The following PVR variants were observed in gnomAD, a reference collection of about 807,000 sequenced individuals.
The protein encoded by PVR is PVR cell adhesion molecule.
A neutral mutation model predicts 43.3 loss-of-function variants in PVR; 39 were observed. The observed-to-expected ratio is 0.90, with a 90% confidence interval of 0.70 to 1.18. The LOEUF is 1.18. PVR is among the 50% of genes most tolerant of loss of function. The probability of loss-of-function intolerance (pLI) is 0.00; values close to 1 mark genes in which losing one functional copy is unlikely to be tolerated. For synonymous variants in PVR, 224 were observed against 233.2 expected (o/e 0.96, Z 0.36); for missense variants, 480 against 549.7 (o/e 0.87, Z 1.27).
chr19:44,661,402 C>T (rs1420058617), intron 7 of PVR, 79 bp downstream of exon 7: 15 of 1,469,332 alleles, frequency 1.0e-5, no homozygotes, highest in East Asian at 4.5e-5. Context: ...GCCCACGGCC[C>T]GGCCTCAGGA....
chr19:44,653,309 G>A (rs755331288), intron 3 of PVR, among the ~76,000 whole-genome samples: 3 of 151,764 alleles, frequency 2.0e-5, no homozygotes, highest in Admixed American at 6.6e-5. Flanking sequence ...CTTACTCCCC[G>A]CCAGGCAATT....
At chr19:44,651,570 TC>T (rs1419956825) in intron 3 of PVR, among the ~76,000 whole-genome samples, 4 of 151,674 alleles carry the variant, frequency 2.6e-5, no homozygotes, top group African/African-American at 7.3e-5. Flanking sequence ...GTCTCCATGT[TC>T]CTCTGCCCAA....
intron 3 of PVR, among the ~76,000 whole-genome samples, chr19:44,650,357 CT>C (rs1973247363): frequency 6.6e-6 from 1 of 152,134 alleles, no homozygotes; most frequent in Non-Finnish European, 1.5e-5. Context: ...GCCCTGGCTC[CT>C]CTAGCGGCTG....
intron 1 of PVR, among the ~76,000 whole-genome samples, chr19:44,645,662 C>T (rs183557391): frequency 6.6e-6 from 1 of 151,186 alleles, no homozygotes; most frequent in Non-Finnish European, 1.5e-5. Flanking sequence ...TTTCGCTATG[C>T]TGCCCAGGCT....
In PVR at chr19:44,661,808, G is replaced by T; in HGVS notation, c.1251G>T (p.Arg417Ser). 6.2e-7 allele frequency: 1 copy of T among 1,613,910 alleles called. No homozygotes were observed. Among genetic ancestry groups the T allele is most frequent in the Non-Finnish European group, 8.5e-7 (1 of 1,179,930 alleles). Residue 417 changes from arginine to serine, a missense_variant, in exon 8 of 8, where the codon AGG becomes AGT. Coordinates refer to ENST00000425690, the MANE Select transcript of PVR (RefSeq NM_006505.5). ...AGGATCCACAGACAGAGGGCACAAG[G>T]TGACAGCGTCGGGACTGAGAGGGGA... ...SSQDPQTEGT[R>S]
At chr19:44,653,837 C>A in intron 3 of PVR, 63 bp from the exon 4 acceptor site, 1 of 1,141,432 alleles carries the variant, frequency 8.8e-7, no homozygotes, top group Non-Finnish European at 1.3e-6. Context: ...GTCGTGAATC[C>A]CGCGTAGCCC....
intron 4 of PVR, among the ~76,000 whole-genome samples, chr19:44,654,805 C>T (rs1272040040): frequency 6.6e-6 from 1 of 152,140 alleles, no homozygotes; most frequent in South Asian, 2.1e-4. Context: ...TGGCCCAGGA[C>T]AGTTCTTCTT....
At chr19:44,655,169 G>A (rs952780697) in intron 4 of PVR, among the ~76,000 whole-genome samples, 7 of 152,034 alleles carry the variant, frequency 4.6e-5, no homozygotes, top group African/African-American at 1.7e-4. Flanking sequence ...CTGCAGCCTG[G>A]ACCTCCCTGG....
chr19:44,648,771 A>G (rs1973199721), intron 2 of PVR, among the ~76,000 whole-genome samples: 1 of 152,214 alleles, frequency 6.6e-6, no homozygotes, highest in Admixed American at 6.5e-5. Flanking sequence ...TGCCTAGCAC[A>G]CAACACCCAA....
At chr19:44,655,013 C>T (rs933277643) in intron 4 of PVR, among the ~76,000 whole-genome samples, 1 of 152,040 alleles carries the variant, frequency 6.6e-6, no homozygotes, top group Non-Finnish European at 1.5e-5. Context: ...AGATCAAGAG[C>T]AAGGTAAGAA....
intron 6 of PVR, among the ~76,000 whole-genome samples, chr19:44,660,100 G>T (rs1246949075): frequency 1.3e-5 from 2 of 152,178 alleles, no homozygotes; most frequent in African/African-American, 4.8e-5. Context: ...CACCGTGGGG[G>T]ACTTGTTTGT....
rs1227155548 is a variant in PVR, at chr19:44,665,317, G to A, written c.*3506G>A. ...GCCTCTGGGTTGCAGATTGCTTGGGGTGAAAATGTCTGTGCTACTGAAATC... is the reference window on the plus strand; with the variant it reads ...GCCTCTGGGTTGCAGATTGCTTGGGATGAAAATGTCTGTGCTACTGAAATC... On this transcript the variant is annotated 3_prime_UTR_variant, in exon 8 of 8. Coordinates refer to ENST00000425690, the MANE Select transcript of PVR (RefSeq NM_006505.5). The A allele has an allele frequency of 2.0e-5, 3 of 152,120 alleles. No individual in the cohort carries two copies. The highest frequency in any genetic ancestry group is 2.9e-5 in the Non-Finnish European group (2 of 68,038). The allele number at this position is 152,120 out of a possible 1,614,324, so 9.4% of individuals were successfully genotyped here.
chr19:44,650,178 C>CTTGGG, intron 3 of PVR, 73 bp downstream of exon 3: 1 of 1,383,820 alleles, frequency 7.2e-7, no homozygotes, highest in Non-Finnish European at 9.6e-7. Flanking sequence ...ACTGACTCCC[C>CTTGGG]AAGGCACTGT....
At position 44,644,083 on chromosome 19, in the gene PVR, T is replaced by A; in HGVS notation, c.-14T>A. On this transcript the variant is annotated 5_prime_UTR_variant, in exon 1 of 8. Coordinates refer to ENST00000425690, the MANE Select transcript of PVR (RefSeq NM_006505.5). Reference sequence around the variant, plus strand: ...AGACGCCCGCGGGAGGCCCAGCTGCTCGGAGCAACTGGCATGGCCCGAGCC... The same window carrying A: ...AGACGCCCGCGGGAGGCCCAGCTGCACGGAGCAACTGGCATGGCCCGAGCC... 6.6e-7 allele frequency: 1 copy of A among 1,507,450 alleles called. No individual in the cohort carries two copies. The highest frequency in any genetic ancestry group is 2.7e-5 in the East Asian group (1 of 36,826). 93.4% of individuals were successfully genotyped at this position (1,507,450 alleles called of 1,614,324 possible). A position where few individuals can be genotyped will look rare whatever the true frequency, so the allele number is the denominator to read the frequency against.
At chr19:44,647,758 G>A (rs1212338843) in intron 2 of PVR, among the ~76,000 whole-genome samples, 188 bp downstream of exon 2, 1 of 150,148 alleles carries the variant, frequency 6.7e-6, no homozygotes, top group Non-Finnish European at 1.5e-5. Flanking sequence ...GGGGGGAGGG[G>A]CTGCAGGGCA....
rs1410144660 is a variant in PVR, at chr19:44,660,679, C to T, written c.1151-613C>T. Among the ~76,000 whole-genome samples, 6 of 152,008 alleles carry T rather than the reference C, an allele frequency of 3.9e-5. No individual in the cohort carries two copies. In the South Asian group the frequency reaches 6.2e-4, roughly 16 times the overall value. Reference sequence around the variant, plus strand: ...CTGGGATTATAGGCGTGCACTCCCACGCCTGGCTAATTTTTTATATTTTTA... The same window carrying T: ...CTGGGATTATAGGCGTGCACTCCCATGCCTGGCTAATTTTTTATATTTTTA... On this transcript the variant is annotated intron_variant, in intron 6 of 7. Transcript: ENST00000425690.
At position 44,664,295 on chromosome 19, in the gene PVR, A is replaced by G. The variant is rs1022117943; in HGVS notation, c.*2484A>G. ...GTGATCATGGCTCATTGCAGCCTCG[A>G]CCTGCTGGGCTCGGGCTATCCTTCC... On this transcript the variant is annotated 3_prime_UTR_variant, in exon 8 of 8. Transcript: ENST00000425690. 1 of 151,768 alleles carries G rather than the reference A, an allele frequency of 6.6e-6. No homozygotes were observed. Among genetic ancestry groups the G allele is most frequent in the African/African-American group, 2.4e-5 (1 of 41,308 alleles). The allele number at this position is 151,768 out of a possible 1,614,324, so 9.4% of individuals were successfully genotyped here. A position where few individuals can be genotyped will look rare whatever the true frequency, so the allele number is the denominator to read the frequency against.
rs779964038 is a variant in PVR at position 44,647,486 on chromosome 19, G to A, written c.343G>A (p.Val115Ile). Residue 115 changes from valine (V) to isoleucine (I), a missense_variant, in exon 2 of 8, where the codon GTA (valine) becomes ATA (isoleucine). Transcript: ENST00000425690. ...CTCGCTGAGGATGTTCGGGTTGCGC[G>A]TAGAGGATGAAGGCAACTACACCTG... is the stretch of plus-strand genomic sequence containing the variant. Reference protein sequence around the residue: ...NASLRMFGLRVEDEGNYTCLF... With the variant: ...NASLRMFGLRIEDEGNYTCLF... The A allele has an allele frequency of 1.7e-5, 28 of 1,613,976 alleles. No homozygotes were observed. Among genetic ancestry groups the A allele is most frequent in the South Asian group, 1.3e-4 (12 of 91,072 alleles).
chr19:44,650,150 GCCCCC>G, intron 3 of PVR, 45 bp downstream of exon 3: 1 of 1,488,894 alleles, frequency 6.7e-7, no homozygotes, highest in South Asian at 1.4e-5. Context: ...CTGCCGGGCT[GCCCCC>G]ACCACTGTCT....
Sources: gnomAD v4.1 joint callset for allele counts (sites outside exome capture counted in the v4.1 genomes callset) on GRCh38, gnomAD v4.1.1 for gene constraint, MANE v1.5 for transcripts, NCBI Gene and HGNC (gene_info 2026-07-23, HGNC 2026-07-21) for gene names.